The following PAPPA variants were observed in gnomAD, a reference collection of about 807,000 sequenced individuals.
The protein encoded by PAPPA is pappalysin-1.
Under a neutral mutation model 164.0 loss-of-function variants are expected in PAPPA, and 60 were observed. The ratio of observed to expected loss-of-function variants is 0.37; its 90% CI spans 0.30 to 0.45. The LOEUF (loss-of-function observed/expected upper bound fraction) is 0.45. Ranked by LOEUF, PAPPA falls within the 20% of genes least tolerant of loss-of-function variation. The pLI is 1.00. For missense variants in PAPPA, 1,782 were observed against 2,087.3 expected (o/e 0.85, Z 2.85); for synonymous variants, 875 against 814.1 (o/e 1.07, Z -1.27).
chr9:116,231,716 T>C (rs926034648), intron 6 of PAPPA, among the ~76,000 whole-genome samples: 2 of 113,358 alleles, frequency 1.8e-5, no homozygotes, highest in African/African-American at 6.8e-5. Flanking sequence ...GATGGATGGA[T>C]GGATAGTGTC....
At position 116,347,886 on chromosome 9, in the gene PAPPA, A is replaced by T. The variant is rs1340581379; in HGVS notation, c.3964+677A>T. On this transcript the variant is annotated intron_variant, in intron 15 of 21. Transcript: ENST00000328252. This position sits in a 1 kb window ranked among gnomAD's most constrained non-coding sequence, Gnocchi z 4.5. The stretch of plus-strand genomic sequence containing the variant: ...GAGTAGCTGGCCTGGGTGTCCTAGA[A>T]TGCTGGGACTAGATGTGGAATGTGT... Among the ~76,000 whole-genome samples, 2 of 152,212 alleles carry T rather than the reference A, an allele frequency of 1.3e-5. No individual in the cohort carries two copies. The highest frequency in any genetic ancestry group is 2.9e-5 in the Non-Finnish European group (2 of 68,032).
chr9:116,194,727 A>G (rs1185794457), intron 2 of PAPPA, among the ~76,000 whole-genome samples: 1 of 152,202 alleles, frequency 6.6e-6, no homozygotes, highest in African/African-American at 2.4e-5. Flanking sequence ...TGCCTGGCAC[A>G]TGGTAGGTGA....
intron 10 of PAPPA, among the ~76,000 whole-genome samples, chr9:116,305,474 C>G (rs1244571585): frequency 4.3e-4 from 2 of 4,652 alleles, no homozygotes; most frequent in Non-Finnish European, 4.3e-3. Context: ...CTCTCTCTCA[C>G]ACACACACAC....
At position 116,271,966 on chromosome 9, in the gene PAPPA, T is replaced by C. The variant is rs1845142630; in HGVS notation, c.2953+550T>C. Among the ~76,000 whole-genome samples, 1 of 152,320 alleles carries C rather than the reference T, an allele frequency of 6.6e-6. No individual in the cohort carries two copies. Among genetic ancestry groups the C allele is most frequent in the Middle Eastern group, 3.4e-3 (1 of 294 alleles). On this transcript the variant is annotated intron_variant, in intron 9 of 21. Transcript: ENST00000328252. This position sits in a 1 kb window ranked among gnomAD's most constrained non-coding sequence, Gnocchi z 4.2. ...AGGTCCCCTCTGCAGACTCAGAACC[T>C]TGGGCAGTCTCTCTGATCTGAGGAA...
intron 8 of PAPPA, among the ~76,000 whole-genome samples, chr9:116,269,124 C>A (rs554486984): frequency 6.6e-6 from 1 of 152,288 alleles, no homozygotes; most frequent in South Asian, 2.1e-4. Flanking sequence ...CTTCTTGAGT[C>A]TCTACTGTGC....
chr9:116,173,072 G>C (rs374239449), intron 1 of PAPPA, among the ~76,000 whole-genome samples: 1 of 152,120 alleles, frequency 6.6e-6, no homozygotes, highest in Admixed American at 6.6e-5. Context: ...AGAGACAAAA[G>C]GTAGATGACA....
chr9:116,254,377 C>G (rs1844896014), intron 7 of PAPPA, among the ~76,000 whole-genome samples: 2 of 152,184 alleles, frequency 1.3e-5, no homozygotes, highest in South Asian at 4.1e-4. Flanking sequence ...AAGCTACTAT[C>G]TGGGTTTACT....
chr9:116,326,442 A>G (rs796516722), intron 10 of PAPPA, among the ~76,000 whole-genome samples: 52 of 152,336 alleles, frequency 3.4e-4, no homozygotes, highest in African/African-American at 1.2e-3. Flanking sequence ...TGGGAAAAGA[A>G]GTAAGAAGGT....
Position 116,400,830 on chromosome 9 carries a change from AT to A in PAPPA, c.*4219del, listed in dbSNP as rs971479728. ...ATGTCCCTGTTGTACAGAAGTTAGA[AT>A]TTTTGACTCCAGGCAGCAGTTTGCT... is the stretch of plus-strand genomic sequence containing the variant. On this transcript the variant is annotated 3_prime_UTR_variant, in exon 22 of 22. Transcript: ENST00000328252. 13 of 152,628 alleles carry A rather than the reference AT, an allele frequency of 8.5e-5. No individual in the cohort carries two copies. Among genetic ancestry groups the A allele is most frequent in the Non-Finnish European group, 1.9e-4 (13 of 68,036 alleles). 9.5% of individuals were successfully genotyped at this position (152,628 alleles called of 1,614,324 possible). A position where few individuals can be genotyped will look rare whatever the true frequency, so the allele number is the denominator to read the frequency against.
At chr9:116,296,397 T>A (rs138531406) in intron 9 of PAPPA, among the ~76,000 whole-genome samples, 2 of 152,332 alleles carry the variant, frequency 1.3e-5, no homozygotes, top group Non-Finnish European at 2.9e-5. Context: ...GTTTATCTAG[T>A]CATATATTCC....
At chr9:116,346,931 G>A in intron 14 of PAPPA, 95 bp from the exon 15 acceptor site, 2 of 993,768 alleles carry the variant, frequency 2.0e-6, no homozygotes, top group Non-Finnish European at 3.0e-6. Context: ...TAGTGCCTGG[G>A]CGAGACTCTG....
At chr9:116,246,404 T>C (rs1200993445) in intron 7 of PAPPA, among the ~76,000 whole-genome samples, 3 of 152,216 alleles carry the variant, frequency 2.0e-5, no homozygotes. Context: ...GTACAAGGCA[T>C]TGTGCTAAGT....
intron 9 of PAPPA, among the ~76,000 whole-genome samples, chr9:116,285,304 G>A (rs1345242210): frequency 6.6e-6 from 1 of 150,474 alleles, no homozygotes; most frequent in Non-Finnish European, 1.5e-5. Flanking sequence ...CAAGTAGCTG[G>A]GACTACAGGC....
At chr9:116,320,678 A>C (rs1845843302) in intron 10 of PAPPA, among the ~76,000 whole-genome samples, 1 of 152,172 alleles carries the variant, frequency 6.6e-6, no homozygotes, top group African/African-American at 2.4e-5. Context: ...TGGTAAAAGA[A>C]AGCCTGGCTC....
intron 17 of PAPPA, among the ~76,000 whole-genome samples, chr9:116,357,590 T>C (rs1846370246): frequency 1.3e-5 from 2 of 152,188 alleles, no homozygotes; most frequent in South Asian, 2.1e-4. Context: ...CTCTGCTCTT[T>C]CCACTGCTCC....
chr9:116,331,389 C>T (rs758803403), intron 11 of PAPPA, 32 bp downstream of exon 11: 1 of 1,305,432 alleles, frequency 7.7e-7, no homozygotes, highest in South Asian at 1.2e-5. Flanking sequence ...TTTGGAATCT[C>T]CAGCAGCGAG....
intron 13 of PAPPA, among the ~76,000 whole-genome samples, chr9:116,340,827 A>G (rs1009756928): frequency 1.3e-5 from 2 of 152,206 alleles, no homozygotes; most frequent in African/African-American, 4.8e-5. Flanking sequence ...AACTGGTTTC[A>G]TTAACTCAAT....
chr9:116,165,866 T>C (rs923041730), intron 1 of PAPPA, among the ~76,000 whole-genome samples: 3 of 152,238 alleles, frequency 2.0e-5, no homozygotes, highest in African/African-American at 7.2e-5. Context: ...ACCTTGTTCA[T>C]CTGTTCCCAC....
At chr9:116,255,030 C>T (rs555180593) in intron 7 of PAPPA, among the ~76,000 whole-genome samples, 1 of 151,608 alleles carries the variant, frequency 6.6e-6, no homozygotes, top group African/African-American at 2.4e-5. Context: ...GATATGTTTG[C>T]GTTGAAACGA....
Sources: gnomAD v4.1 joint callset for allele counts (sites outside exome capture counted in the v4.1 genomes callset) on GRCh38, gnomAD v4.1.1 for gene constraint, Gnocchi (gnomAD v3.1) non-coding constraint, MANE v1.5 for transcripts, NCBI Gene and HGNC (gene_info 2026-07-23, HGNC 2026-07-21) for gene names.